DYNC1I1: variants seen among roughly 807,000 people sequenced by gnomAD.
DYNC1I1 encodes the protein cytoplasmic dynein 1 intermediate chain 1.
Under a neutral mutation model 86.6 loss-of-function variants are expected in DYNC1I1, and 43 were observed. The ratio of observed to expected loss-of-function variants is 0.50; its 90% CI spans 0.39 to 0.64. DYNC1I1 has a LOEUF of 0.64. Ranked by LOEUF, DYNC1I1 falls within the 30% of genes least tolerant of loss-of-function variation. The probability of loss-of-function intolerance (pLI) is 0.00; values close to 1 mark genes in which losing one functional copy is unlikely to be tolerated. For missense variants in DYNC1I1, 604 were observed against 788.8 expected (o/e 0.77, Z 2.81); for synonymous variants, 262 against 283.7 (o/e 0.92, Z 0.77).
chr7:96,002,725 C>T (rs767176685), intron 10 of DYNC1I1, among the ~76,000 whole-genome samples: 13 of 152,038 alleles, frequency 8.6e-5, no homozygotes, highest in Non-Finnish European at 1.9e-4. Context: ...GGTACCAATT[C>T]ATTCAGGCAA....
chr7:95,982,376 G>A (rs1584223546), intron 7 of DYNC1I1, among the ~76,000 whole-genome samples: 1 of 152,136 alleles, frequency 6.6e-6, no homozygotes, highest in South Asian at 2.1e-4. Flanking sequence ...GGAGAGGCTA[G>A]TGCTCCACCT....
chr7:95,887,242 T>G (rs1790617808), intron 6 of DYNC1I1, among the ~76,000 whole-genome samples: 1 of 152,278 alleles, frequency 6.6e-6, no homozygotes. Context: ...GGTAGGGTCT[T>G]AAAATCTCTC....
At chr7:95,803,595 A>G (rs968626141) in intron 1 of DYNC1I1, among the ~76,000 whole-genome samples, 1 of 152,232 alleles carries the variant, frequency 6.6e-6, no homozygotes, top group African/African-American at 2.4e-5. Context: ...GGGGACAACG[A>G]CAAAAAAGTT....
At chr7:96,097,362 C>A in intron 16 of DYNC1I1, 121 bp from the exon 17 acceptor site, 2 of 1,076,804 alleles carry the variant, frequency 1.9e-6, no homozygotes, top group Non-Finnish European at 2.7e-6. Flanking sequence ...ATTTCCTTTA[C>A]ATTCCAAGGG....
rs969321734 is a variant in DYNC1I1 at position 95,842,087 on chromosome 7, A to G, written c.374+13971A>G. On this transcript the variant is annotated intron_variant, in intron 5 of 16. Transcript: ENST00000447467. Reference sequence around the variant, plus strand: ...TTACTCCTCAGGGAGAAACTGAGAGATGGAGGTTCCCCTCAATTGTATAGT... The same window carrying G: ...TTACTCCTCAGGGAGAAACTGAGAGGTGGAGGTTCCCCTCAATTGTATAGT... 3.9e-5 allele frequency among the ~76,000 whole-genome samples: 6 copies of G among 152,280 alleles called. No homozygotes were observed. In the East Asian group the frequency reaches 1.2e-3, roughly 29 times the overall value.
chr7:95,938,065 G>C (rs552010973), intron 6 of DYNC1I1, among the ~76,000 whole-genome samples: 1 of 152,068 alleles, frequency 6.6e-6, no homozygotes, highest in Non-Finnish European at 1.5e-5. Flanking sequence ...TTCCTTAAGC[G>C]TGCAAAACTT....
intron 5 of DYNC1I1, among the ~76,000 whole-genome samples, chr7:95,846,623 CTCTCTGTGTGTG>C (rs1333038795): frequency 6.6e-5 from 8 of 121,124 alleles, no homozygotes; most frequent in South Asian, 2.8e-4. Context: ...ATAAATCTCT[CTCTCTGTGTGTG>C]TGTGTGTGTG....
At chr7:96,013,436 T>G (rs1050429032) in intron 10 of DYNC1I1, among the ~76,000 whole-genome samples, 7 of 152,060 alleles carry the variant, frequency 4.6e-5, no homozygotes, top group African/African-American at 1.7e-4. Context: ...CCACTAAGTG[T>G]GTCATAATTT....
chr7:95,837,000 G>A (rs4729211), intron 5 of DYNC1I1, among the ~76,000 whole-genome samples: 77,976 of 148,808 alleles, frequency 0.52, 20,807 homozygotes, highest in African/African-American at 0.68. Flanking sequence ...GCTTTGTTCC[G>A]TTGCTGGTGA....
chr7:95,928,571 C>G (rs1315137778), intron 6 of DYNC1I1, among the ~76,000 whole-genome samples: 1 of 152,158 alleles, frequency 6.6e-6, no homozygotes, highest in East Asian at 1.9e-4. Context: ...CCCCACCCCA[C>G]TCCCCAGATT....
chr7:96,055,233 G>T (rs1460949172), intron 14 of DYNC1I1, among the ~76,000 whole-genome samples: 6 of 151,940 alleles, frequency 3.9e-5, no homozygotes, highest in Non-Finnish European at 8.8e-5. Context: ...CACAGGGAGG[G>T]GAACATCACA....
chr7:95,969,996 G>A (rs927475829), intron 6 of DYNC1I1, among the ~76,000 whole-genome samples: 12 of 152,078 alleles, frequency 7.9e-5, no homozygotes, highest in South Asian at 2.1e-4. Flanking sequence ...GCGTAGAGGC[G>A]CTCACCTTGG....
At chr7:95,938,955 C>T (rs1488302179) in intron 6 of DYNC1I1, among the ~76,000 whole-genome samples, 1 of 152,208 alleles carries the variant, frequency 6.6e-6, no homozygotes, top group Non-Finnish European at 1.5e-5. Context: ...ATTCCCTCTA[C>T]ACACTGCTTT....
At chr7:95,804,322 C>T in intron 1 of DYNC1I1, 1 of 1,251,054 alleles carries the variant, frequency 8.0e-7, no homozygotes, top group Non-Finnish European at 1.0e-6. Context: ...TTTCTTTTCT[C>T]AGTGTGGGGA....
intron 14 of DYNC1I1, among the ~76,000 whole-genome samples, chr7:96,051,556 T>C (rs1354033898): frequency 1.3e-5 from 2 of 152,216 alleles, no homozygotes; most frequent in African/African-American, 4.8e-5. Context: ...TTGTAGACAT[T>C]GTACAATCTT....
chr7:96,062,892 A>G (rs1789825531), intron 14 of DYNC1I1, among the ~76,000 whole-genome samples: 1 of 152,134 alleles, frequency 6.6e-6, no homozygotes, highest in South Asian at 2.1e-4. Context: ...GACTGACTGG[A>G]TTGAACTGAA....
At chr7:96,063,199 T>A (rs1043090802) in intron 14 of DYNC1I1, among the ~76,000 whole-genome samples, 1 of 151,844 alleles carries the variant, frequency 6.6e-6, no homozygotes, top group South Asian at 2.1e-4. Flanking sequence ...TAGCTGATGG[T>A]TGAGCCGTAG....
At chr7:95,944,826 G>A (rs1008663900) in intron 6 of DYNC1I1, among the ~76,000 whole-genome samples, 1 of 146,610 alleles carries the variant, frequency 6.8e-6, no homozygotes. Flanking sequence ...TGAACAATGA[G>A]GACACATGGA....
chr7:96,042,024 C>T (rs1462948475), intron 14 of DYNC1I1, among the ~76,000 whole-genome samples: 1 of 151,992 alleles, frequency 6.6e-6, no homozygotes, highest in South Asian at 2.1e-4. Flanking sequence ...TTTGAAGTGA[C>T]TTTAAAACTC....
Sources: gnomAD v4.1 joint callset for allele counts (sites outside exome capture counted in the v4.1 genomes callset) on GRCh38, gnomAD v4.1.1 for gene constraint, MANE v1.5 for transcripts, NCBI Gene and HGNC (gene_info 2026-07-23, HGNC 2026-07-21) for gene names.